STK3: variants seen among roughly 807,000 people sequenced by gnomAD.
The protein encoded by STK3 is serine/threonine-protein kinase 3.
A neutral mutation model predicts 58.0 loss-of-function variants in STK3; 41 were observed. That is an observed-to-expected ratio of 0.71 (90% CI 0.55 to 0.92). The LOEUF (loss-of-function observed/expected upper bound fraction) is 0.92. Among genes scored for constraint, STK3 ranks in the 40% least tolerant of loss-of-function variants. The pLI, the probability that STK3 is intolerant of heterozygous loss-of-function variation, is 0.00. For synonymous variants in STK3, 170 were observed against 191.0 expected, an observed-to-expected ratio of 0.89 and a Z score of 0.91; for missense variants, 479 against 602.7, an observed-to-expected ratio of 0.79 and a Z score of 2.15.
At chr8:98,850,645 G>A (rs963171514) in intron 3 of STK3, among the ~76,000 whole-genome samples, 2 of 152,166 alleles carry the variant, frequency 1.3e-5, no homozygotes, top group African/African-American at 4.8e-5. Context: ...ACGAAGGCAT[G>A]AAGATGTAAA....
intron 1 of STK3, among the ~76,000 whole-genome samples, chr8:98,913,638 G>A (rs112301047): frequency 0.047 from 7,217 of 152,350 alleles, 192 homozygotes; most frequent in African/African-American, 0.064. Flanking sequence ...AGGTATTTCA[G>A]TGTACAAACC....
intron 6 of STK3, among the ~76,000 whole-genome samples, chr8:98,693,553 C>A (rs895590825): frequency 2.0e-5 from 3 of 151,998 alleles, no homozygotes; most frequent in South Asian, 2.1e-4. Context: ...TCCTGTAGAG[C>A]CCCTTGAGGG....
At position 98,535,701 on chromosome 8, in the gene STK3, C is replaced by CT. The variant is rs1181420097; in HGVS notation, c.1142-8785dup. On this transcript the variant is annotated intron_variant, in intron 9 of 10. Coordinates refer to ENST00000419617, the MANE Select transcript of STK3 (RefSeq NM_006281.4). ...AAAACTAATCTTTTCCTACCAGAAA[C>CT]TAACATTTATAGAGCACCTATTCTA... 1.1e-4 allele frequency among the ~76,000 whole-genome samples: 16 copies of CT among 152,274 alleles called. No homozygotes were observed. In the East Asian group the frequency reaches 2.7e-3, roughly 26 times the overall value.
intron 7 of STK3, among the ~76,000 whole-genome samples, chr8:98,587,617 C>G (rs1290429207): frequency 6.6e-6 from 1 of 152,070 alleles, no homozygotes; most frequent in Non-Finnish European, 1.5e-5. Flanking sequence ...ATTAGTTCCG[C>G]TTGGTGCAGA....
chr8:98,869,846 T>TTA (rs1837303232), intron 3 of STK3, among the ~76,000 whole-genome samples: 1 of 151,636 alleles, frequency 6.6e-6, no homozygotes, highest in Non-Finnish European at 1.5e-5. Context: ...TTTTCTTTTT[T>TTA]TTATTATTAT....
Position 98,428,110 on chromosome 8 carries a change from G to T in STK3, n.483+6017C>A. 1 of 1,613,940 alleles carries T rather than the reference G, an allele frequency of 6.2e-7. No individual in the cohort carries two copies. The highest frequency in any genetic ancestry group is 8.5e-7 in the Non-Finnish European group (1 of 1,180,032). On this transcript the variant is annotated intron_variant and non_coding_transcript_variant, in intron 3 of 3. Coordinates refer to the STK3 transcript ENST00000517832. The surrounding 1 kb of genome is among the most constrained non-coding windows in gnomAD (Gnocchi z 6.7). ...CTGCGCTTCCCCGAGACGCGCCTGG[G>T]CCGCTTGCTGCTCTGCCACTCGCGC... is the stretch of plus-strand genomic sequence containing the variant.
the STK3 span, among the ~76,000 whole-genome samples, chr8:98,360,824 C>T: frequency 8.5e-5 from 13 of 152,302 alleles, no homozygotes; most frequent in African/African-American, 3.1e-4. Context: ...GCTTTGTTAA[C>T]AGGCCAGTTG....
intron 10 of STK3, among the ~76,000 whole-genome samples, chr8:98,497,634 G>A (rs1424223549): frequency 6.6e-6 from 1 of 151,890 alleles, no homozygotes; most frequent in Non-Finnish European, 1.5e-5. Flanking sequence ...ATGAGCAAAG[G>A]GTCTGAATAG....
At chr8:98,626,249 G>T (rs1169413197) in intron 6 of STK3, among the ~76,000 whole-genome samples, 1 of 152,150 alleles carries the variant, frequency 6.6e-6, no homozygotes, top group Non-Finnish European at 1.5e-5. Context: ...ACAGGAAAAG[G>T]TGCCATTCAA....
At chr8:98,750,637 G>A (rs1006886845) in intron 3 of STK3, among the ~76,000 whole-genome samples, 2 of 151,530 alleles carry the variant, frequency 1.3e-5, no homozygotes, top group East Asian at 1.9e-4. Context: ...AACCACCCAG[G>A]ACCAGATGGA....
At chr8:98,619,595 C>A (rs1445821482) in intron 6 of STK3, among the ~76,000 whole-genome samples, 1 of 107,846 alleles carries the variant, frequency 9.3e-6, no homozygotes, top group African/African-American at 3.8e-5. Context: ...CCAGAATCTA[C>A]AATGAACTCA....
intron 8 of STK3, 116 bp downstream of exon 8, chr8:98,579,548 G>GA (rs1813687102): frequency 2.3e-6 from 3 of 1,282,520 alleles, no homozygotes; most frequent in South Asian, 1.4e-5. Context: ...GAGATTCAAT[G>GA]AAAAAACATA....
intron 10 of STK3, among the ~76,000 whole-genome samples, chr8:98,495,622 G>A (rs1823070675): frequency 6.6e-6 from 1 of 152,102 alleles, no homozygotes; most frequent in Non-Finnish European, 1.5e-5. Context: ...TAAACAAAAG[G>A]TGGCCTTGAA....
chr8:98,364,191 G>C, the STK3 span, among the ~76,000 whole-genome samples: 1 of 152,156 alleles, frequency 6.6e-6, no homozygotes, highest in South Asian at 2.1e-4. Flanking sequence ...CAGGCTGGAG[G>C]GTCGTCTTGG....
At position 98,894,503 on chromosome 8, in the gene STK3, A is replaced by G. The variant is rs192637912; in HGVS notation, c.-78-10669T>C. ...CTACTCCATTTAAAATTTCATCTCT[A>G]TGGCCCCAGCATTCTTGATTCCCCC... On this transcript the variant is annotated intron_variant, in intron 1 of 1. Coordinates refer to the STK3 transcript ENST00000519420. 1.4e-4 allele frequency among the ~76,000 whole-genome samples: 21 copies of G among 152,292 alleles called. No homozygotes were observed. The East Asian group carries it at 2.9e-3, about 21-fold the overall frequency.
intron 4 of STK3, among the ~76,000 whole-genome samples, chr8:98,747,430 G>A (rs976028291): frequency 1.3e-5 from 2 of 152,124 alleles, no homozygotes; most frequent in Non-Finnish European, 2.9e-5. Flanking sequence ...TTTTACACCT[G>A]TTTAATCAAA....
intron 7 of STK3, among the ~76,000 whole-genome samples, chr8:98,584,961 A>T (rs1586929131): frequency 6.7e-6 from 1 of 149,988 alleles, no homozygotes; most frequent in Admixed American, 6.6e-5. Context: ...TTTCTTGTAA[A>T]TTTGTTTGAG....
At chr8:98,550,183 A>G (rs1488794571) in intron 8 of STK3, among the ~76,000 whole-genome samples, 1 of 152,144 alleles carries the variant, frequency 6.6e-6, no homozygotes, top group African/African-American at 2.4e-5. Context: ...GGGTTGTATA[A>G]TATAACAACA....
intron 7 of STK3, among the ~76,000 whole-genome samples, chr8:98,590,954 T>C (rs951452129): frequency 6.6e-6 from 1 of 152,246 alleles, no homozygotes; most frequent in Admixed American, 6.5e-5. Flanking sequence ...ATCTTGTTTT[T>C]TCTGCATTCT....
Sources: allele counts gnomAD v4.1 joint callset (sites outside exome capture counted in the v4.1 genomes callset), GRCh38; gene constraint gnomAD v4.1.1; non-coding constraint Gnocchi (gnomAD v3.1); transcripts MANE v1.5; gene names NCBI Gene and HGNC (gene_info 2026-07-23, HGNC 2026-07-21).